Variants in PLEKHA6 observed in about 807,000 individuals in gnomAD.
PLEKHA6 encodes the protein pleckstrin homology domain containing A6, also known as pleckstrin homology domain-containing family A member 6.
Under a neutral mutation model 116.7 loss-of-function variants are expected in PLEKHA6, and 60 were observed. The observed-to-expected ratio is 0.51, with a 90% confidence interval of 0.42 to 0.64. The LOEUF (loss-of-function observed/expected upper bound fraction) is 0.64, where lower values mean the gene tolerates loss of function less well. PLEKHA6 is among the 30% of genes least tolerant of loss of function. PLEKHA6 has a pLI of 0.00. For missense variants in PLEKHA6, 1,338 were observed against 1,422.7 expected, an observed-to-expected ratio of 0.94 and a Z score of 0.96; for synonymous variants, 489 against 556.1, an observed-to-expected ratio of 0.88 and a Z score of 1.70.
chr1:204,305,466 G>A (rs1340210252), intron 1 of PLEKHA6, among the ~76,000 whole-genome samples: 1 of 152,126 alleles, frequency 6.6e-6, no homozygotes, highest in Non-Finnish European at 1.5e-5. Flanking sequence ...CAGGATTGCA[G>A]GTAAACTGAG....
At chr1:204,274,699 GC>G in intron 2 of PLEKHA6, 29 bp downstream of exon 2, 1 of 985,872 alleles carries the variant, frequency 1.0e-6, no homozygotes, top group Non-Finnish European at 1.2e-6. Flanking sequence ...AGGGCAGAAA[GC>G]CCAAACAGCA....
chr1:204,355,602 G>A (rs1001646046), intron 1 of PLEKHA6, among the ~76,000 whole-genome samples: 7 of 152,000 alleles, frequency 4.6e-5, no homozygotes, highest in African/African-American at 1.7e-4. Flanking sequence ...ACCACACTTA[G>A]CTAATTTTTA....
chr1:204,222,284 G>A lies in PLEKHA6; in HGVS notation c.*504C>T, dbSNP rs1659731288. ...GCCCTGGGTCCAGCTGAGGCAGTAGGGTGGGGCTGACGAGGATAGGGATGA... is the reference window on the plus strand; with the variant it reads ...GCCCTGGGTCCAGCTGAGGCAGTAGAGTGGGGCTGACGAGGATAGGGATGA... On this transcript the variant is annotated 3_prime_UTR_variant, in exon 23 of 23. Transcript: ENST00000272203. 6.5e-6 allele frequency: 1 copy of A among 152,890 alleles called. No individual in the cohort carries two copies. Among genetic ancestry groups the A allele is most frequent in the African/African-American group, 2.4e-5 (1 of 41,438 alleles). The allele number at this position is 152,890 out of a possible 1,614,324, so 9.5% of individuals were successfully genotyped here.
At position 204,259,537 on chromosome 1, in the gene PLEKHA6, G is replaced by A. The variant is rs201387028; in HGVS notation, c.728C>T (p.Pro243Leu). The change falls in exon 8 of 23, where the codon CCG becomes CTG. Residue 243 changes from proline (P) to leucine (L), a missense_variant. Physicochemically the swap from Pro to Leu is moderately conservative, Grantham distance 98. Transcript: ENST00000272203. The surrounding 1 kb of genome is among the most constrained non-coding windows in gnomAD (Gnocchi z 4.6). ...GCTGCCCGGCTCTGAGGCTGGCTCC[G>A]GTCCAGCTGGGAGGCCATTGGCTTT... is the stretch of plus-strand genomic sequence containing the variant. ...PVKANGLPAG[P>L]EPASEPGSPY... The A allele has an allele frequency of 3.6e-5, 58 of 1,613,944 alleles. No individual in the cohort carries two copies. Among genetic ancestry groups the A allele is most frequent in the Admixed American group, 5.0e-5 (3 of 60,012 alleles).
At chr1:204,309,725 T>C (rs963207766) in intron 1 of PLEKHA6, 2 of 910,878 alleles carry the variant, frequency 2.2e-6, no homozygotes, top group Non-Finnish European at 2.6e-6. Context: ...ATAGTATCAA[T>C]TTAGTATGAT....
chr1:204,286,825 G>A (rs150165583), intron 1 of PLEKHA6, among the ~76,000 whole-genome samples: 20 of 152,216 alleles, frequency 1.3e-4, no homozygotes, highest in Non-Finnish European at 2.1e-4. Flanking sequence ...AAGTATCCCC[G>A]TTCCTCTCCT....
intron 5 of PLEKHA6, 42 bp from the exon 6 acceptor site, chr1:204,265,084 T>TGC (rs1558100232): frequency 3.0e-6 from 4 of 1,334,926 alleles, no homozygotes; most frequent in Non-Finnish European, 4.3e-6. Flanking sequence ...TGTGTGTGTG[T>TGC]GCAAGCGTGT....
Position 204,356,893 on chromosome 1 carries a change from C to T in PLEKHA6, c.-95+2801G>A, listed in dbSNP as rs138399107. Among the ~76,000 whole-genome samples, 746 of 152,184 alleles carry T rather than the reference C, an allele frequency of 4.9e-3. 13 individuals are homozygous for T. The Middle Eastern group carries it at 0.055, about 11-fold the overall frequency. On this transcript the variant is annotated intron_variant, in intron 1 of 22. Coordinates refer to ENST00000272203, the MANE Select transcript of PLEKHA6 (RefSeq NM_014935.5). ...CACCCTTCATCACATTAATTCTATGCCTTGGAATTTATCCTAAGTCACCCA... is the reference window on the plus strand; with the variant it reads ...CACCCTTCATCACATTAATTCTATGTCTTGGAATTTATCCTAAGTCACCCA...
In PLEKHA6 at chr1:204,222,329, T is replaced by C. The variant is rs1659736364; in HGVS notation, c.*459A>G. On this transcript the variant is annotated 3_prime_UTR_variant, in exon 23 of 23. Coordinates refer to ENST00000272203, the MANE Select transcript of PLEKHA6 (RefSeq NM_014935.5). ...GGATGATGACAAGTGCTGTCCTTGG[T>C]GTCAGGCTGGCTCCAGAGGCAGTGT... 3 of 152,816 alleles carry C rather than the reference T, an allele frequency of 2.0e-5. No individual in the cohort carries two copies. In the Admixed American group the frequency reaches 2.0e-4, roughly 10 times the overall value. 9.5% of individuals were successfully genotyped at this position (152,816 alleles called of 1,614,324 possible). A position where few individuals can be genotyped will look rare whatever the true frequency, so the allele number is the denominator to read the frequency against.
At chr1:204,316,444 GT>G (rs1187929387) in intron 1 of PLEKHA6, among the ~76,000 whole-genome samples, 1 of 152,182 alleles carries the variant, frequency 6.6e-6, no homozygotes, top group Non-Finnish European at 1.5e-5. Flanking sequence ...CTTTCAATGG[GT>G]GAGTCCAGGG....
In PLEKHA6 at chr1:204,228,081, A is replaced by AC; in HGVS notation, c.3031+1dup. On this transcript the variant is annotated splice_donor_variant, in intron 21 of 22. Transcript: ENST00000272203. LOFTEE classifies it high-confidence loss of function. This position sits in a 1 kb window ranked among gnomAD's most constrained non-coding sequence, Gnocchi z 4.0. ...GGTGGAGCGAGGCCCAGCCCCTCTC[A>AC]CCAGACAGCATGCGGCCCCTGCGGG... 6.2e-7 allele frequency: 1 copy of AC among 1,611,466 alleles called. No individual in the cohort carries two copies. Among genetic ancestry groups the AC allele is most frequent in the Non-Finnish European group, 8.5e-7 (1 of 1,178,904 alleles).
chr1:204,225,897 C>T (rs891305340), intron 21 of PLEKHA6, among the ~76,000 whole-genome samples: 3 of 152,218 alleles, frequency 2.0e-5, no homozygotes, highest in East Asian at 1.9e-4. Context: ...TCGCGCCACA[C>T]GTACAAACTC....
At chr1:204,358,701 A>G (rs1369781171) in intron 1 of PLEKHA6, among the ~76,000 whole-genome samples, 1 of 151,854 alleles carries the variant, frequency 6.6e-6, no homozygotes, top group Non-Finnish European at 1.5e-5. Flanking sequence ...ACCAGCTCTG[A>G]GCTCCAGCCT....
chr1:204,230,386 GC>G, intron 18 of PLEKHA6, 26 bp downstream of exon 18: 1 of 1,537,744 alleles, frequency 6.5e-7, no homozygotes, highest in Non-Finnish European at 8.8e-7. Flanking sequence ...CCAGGCTCAC[GC>G]CTGTGGGTAG....
chr1:204,303,136 GCTGGACTGAC>G (rs1248702348), intron 1 of PLEKHA6, among the ~76,000 whole-genome samples: 2 of 152,140 alleles, frequency 1.3e-5, no homozygotes. Flanking sequence ...GGGCTATGCT[GCTGGACTGAC>G]CCATCACTAT....
chr1:204,349,914 T>C (rs1673219597), intron 1 of PLEKHA6, among the ~76,000 whole-genome samples: 1 of 152,160 alleles, frequency 6.6e-6, no homozygotes, highest in Non-Finnish European at 1.5e-5. Flanking sequence ...AATAAATATG[T>C]ATAGGCCAGA....
chr1:204,305,368 C>T (rs539639135), intron 1 of PLEKHA6, among the ~76,000 whole-genome samples: 1 of 152,312 alleles, frequency 6.6e-6, no homozygotes, highest in African/African-American at 2.4e-5. Flanking sequence ...GGATTCTAAT[C>T]CATCCCTCCT....
At chr1:204,258,535 C>T (rs1218860973) in intron 8 of PLEKHA6, among the ~76,000 whole-genome samples, 1 of 152,228 alleles carries the variant, frequency 6.6e-6, no homozygotes, top group Non-Finnish European at 1.5e-5. Flanking sequence ...CACCAGACCA[C>T]CAGCAATGCG....
chr1:204,226,200 G>A (rs575026108), intron 21 of PLEKHA6, among the ~76,000 whole-genome samples: 29 of 152,298 alleles, frequency 1.9e-4, no homozygotes, highest in Non-Finnish European at 2.9e-4. Context: ...GGCCAGGGGC[G>A]GTGGGAACAG....
Sources: gnomAD v4.1 joint callset for allele counts (sites outside exome capture counted in the v4.1 genomes callset) on GRCh38, gnomAD v4.1.1 for gene constraint, Gnocchi (gnomAD v3.1) non-coding constraint, MANE v1.5 for transcripts, NCBI Gene and HGNC (gene_info 2026-07-23, HGNC 2026-07-21) for gene names.